Variants in ASTN1 observed in about 807,000 individuals in gnomAD.
The protein encoded by ASTN1 is astrotactin-1.
ASTN1 carries 41 observed loss-of-function variants against 140.7 expected under a neutral mutation model. The ratio of observed to expected loss-of-function variants is 0.29; its 90% CI spans 0.23 to 0.38. The LOEUF (loss-of-function observed/expected upper bound fraction) is 0.38, where lower values mean the gene tolerates loss of function less well. Among genes scored for constraint, ASTN1 ranks in the 10% least tolerant of loss-of-function variants. The pLI, the probability that ASTN1 is intolerant of heterozygous loss-of-function variation, is 1.00. For synonymous variants in ASTN1, 640 were observed against 652.2 expected (o/e 0.98, Z 0.29); for missense variants, 1,479 against 1,678.8 (o/e 0.88, Z 2.08).
chr1:177,029,314 T>C (rs780229606), intron 5 of ASTN1: 2 of 546,476 alleles, frequency 3.7e-6, no homozygotes, highest in Admixed American at 4.0e-5. Flanking sequence ...TTATTAACTT[T>C]GTTTGTCTGA....
chr1:177,007,980 A>G (rs912105812), intron 8 of ASTN1, among the ~76,000 whole-genome samples: 2 of 152,226 alleles, frequency 1.3e-5, no homozygotes, highest in Admixed American at 6.5e-5. Context: ...GTATCACTGT[A>G]TTCAGCTGAC....
chr1:176,991,174 G>A (rs911519934), intron 8 of ASTN1, among the ~76,000 whole-genome samples: 4 of 152,148 alleles, frequency 2.6e-5, no homozygotes, highest in African/African-American at 4.8e-5. Flanking sequence ...GTGGGAGGCT[G>A]AGGCAGGCAG....
chr1:177,098,480 C>T (rs748687808), intron 1 of ASTN1, among the ~76,000 whole-genome samples: 4 of 152,038 alleles, frequency 2.6e-5, no homozygotes, highest in Non-Finnish European at 5.9e-5. Flanking sequence ...TTTTCTGAAC[C>T]CTCCAGATCA....
intron 1 of ASTN1, among the ~76,000 whole-genome samples, chr1:177,084,705 T>C (rs548670975): frequency 3.7e-4 from 56 of 152,230 alleles, no homozygotes; most frequent in African/African-American, 1.1e-3. Flanking sequence ...CAATCTCTCT[T>C]TCCACTCTTT....
At chr1:176,964,743 C>A (rs1354368427) in intron 9 of ASTN1, among the ~76,000 whole-genome samples, 1 of 152,104 alleles carries the variant, frequency 6.6e-6, no homozygotes, top group East Asian at 1.9e-4. Flanking sequence ...GAGGAAGGTG[C>A]AAATTAGATG....
At chr1:176,932,527 T>C (rs1413491764) in intron 16 of ASTN1, among the ~76,000 whole-genome samples, 4 of 152,212 alleles carry the variant, frequency 2.6e-5, no homozygotes, top group African/African-American at 9.6e-5. Flanking sequence ...ATTAACGTGG[T>C]AAATAGAGAT....
intron 13 of ASTN1, among the ~76,000 whole-genome samples, chr1:176,945,078 T>A (rs1159520793): frequency 6.6e-6 from 1 of 152,148 alleles, no homozygotes; most frequent in African/African-American, 2.4e-5. Flanking sequence ...CAGAAAATAT[T>A]TTCCCATGGG....
chr1:176,932,351 A>G (rs1325118292), intron 16 of ASTN1, among the ~76,000 whole-genome samples: 1 of 152,210 alleles, frequency 6.6e-6, no homozygotes, highest in Non-Finnish European at 1.5e-5. Flanking sequence ...GGACAGAAGA[A>G]TATCTCCCTT....
intron 8 of ASTN1, among the ~76,000 whole-genome samples, chr1:176,973,290 C>T (rs11811615): frequency 0.064 from 9,787 of 152,198 alleles, 996 homozygotes; most frequent in African/African-American, 0.22. Context: ...ACTGTTTTCC[C>T]GACCTTCACC....
chr1:176,933,198 A>T (rs1671281450), intron 16 of ASTN1, among the ~76,000 whole-genome samples: 1 of 152,212 alleles, frequency 6.6e-6, no homozygotes, highest in South Asian at 2.1e-4. Flanking sequence ...TCAGCAAGGC[A>T]AAACAGGAAT....
intron 1 of ASTN1, among the ~76,000 whole-genome samples, chr1:177,087,823 G>A (rs151057752): frequency 1.5e-3 from 228 of 152,288 alleles, no homozygotes; most frequent in African/African-American, 5.1e-3. Context: ...TTGAAAAAGC[G>A]TCCCCGCTGC....
intron 1 of ASTN1, among the ~76,000 whole-genome samples, chr1:177,141,282 G>T (rs1469806612): frequency 6.6e-6 from 1 of 152,092 alleles, no homozygotes; most frequent in African/African-American, 2.4e-5. Context: ...TAGTACCTGA[G>T]CTAATAGAGG....
rs558740911 is a variant in ASTN1 at position 177,164,243 on chromosome 1, T to A, written c.283+151A>T. ...ACAGAGGCGCTAGTATGCAAGTGGG[T>A]GTGGAGAATGGTCCGGGAGTGGGGC... On this transcript the variant is annotated intron_variant, in intron 1 of 22. Transcript: ENST00000361833. The A allele has an allele frequency of 9.5e-6, 8 of 845,444 alleles. No individual in the cohort carries two copies. The South Asian group carries it at 1.5e-4, about 16-fold the overall frequency. The allele number at this position is 845,444 out of a possible 1,614,324, so 52.4% of individuals were successfully genotyped here. A position where few individuals can be genotyped will look rare whatever the true frequency, so the allele number is the denominator to read the frequency against.
chr1:177,073,059 T>C (rs1678721317), intron 1 of ASTN1, among the ~76,000 whole-genome samples: 2 of 152,168 alleles, frequency 1.3e-5, no homozygotes. Flanking sequence ...TGACAGTAAC[T>C]GGAATGAATG....
chr1:176,871,066 T>C (rs1379017398), intron 21 of ASTN1, among the ~76,000 whole-genome samples: 1 of 152,178 alleles, frequency 6.6e-6, no homozygotes, highest in Non-Finnish European at 1.5e-5. Flanking sequence ...GAATAGATGA[T>C]GTATAATCAA....
chr1:176,951,102 C>A (rs1221541091), intron 11 of ASTN1, among the ~76,000 whole-genome samples: 1 of 152,242 alleles, frequency 6.6e-6, no homozygotes, highest in African/African-American at 2.4e-5. Flanking sequence ...AGGCTCCCAG[C>A]CTGGTCCATC....
In ASTN1 at chr1:177,099,324, C is replaced by T. The variant is rs371516249; in HGVS notation, c.284-38059G>A. Among the ~76,000 whole-genome samples the T allele has an allele frequency of 1.1e-3, 174 of 152,052 alleles. 1 individual carries two copies. The highest frequency in any genetic ancestry group is 4.0e-3 in the African/African-American group (168 of 41,502). ...AATACATAATCTTTTTTAAAGTCCT[C>T]GCTTATATTTTATGATCTGTACAGG... On this transcript the variant is annotated intron_variant, in intron 1 of 22. Transcript: ENST00000361833.
intron 2 of ASTN1, among the ~76,000 whole-genome samples, chr1:177,039,397 A>G (rs1676869985): frequency 6.6e-6 from 1 of 152,210 alleles, no homozygotes. Flanking sequence ...ACAATCACTT[A>G]TATGTTTTTC....
At chr1:176,958,513 G>C (rs1461885864) in intron 9 of ASTN1, 31 bp from the exon 10 acceptor site, 1 of 1,586,882 alleles carries the variant, frequency 6.3e-7, no homozygotes, top group South Asian at 1.2e-5. Flanking sequence ...AGGTGGTCAT[G>C]ACTGGGGGCA....
Sources: gnomAD v4.1 joint callset for allele counts (sites outside exome capture counted in the v4.1 genomes callset) on GRCh38, gnomAD v4.1.1 for gene constraint, MANE v1.5 for transcripts, NCBI Gene and HGNC (gene_info 2026-07-23, HGNC 2026-07-21) for gene names.